The following RBFOX1 variants were observed in gnomAD, a reference collection of about 807,000 sequenced individuals.
RBFOX1 encodes the protein RNA binding fox-1 homolog 1, also known as RNA binding protein fox-1 homolog 1.
RBFOX1 carries 8 observed loss-of-function variants against 57.7 expected under a neutral mutation model. That is an observed-to-expected ratio of 0.14 (90% CI 0.08 to 0.25). RBFOX1 has a LOEUF of 0.25. Among genes scored for constraint, RBFOX1 ranks in the 10% least tolerant of loss-of-function variants. The pLI is 1.00. For missense variants in RBFOX1, 611 were observed against 548.5 expected (o/e 1.11, Z -1.14); for synonymous variants, 326 against 222.4 (o/e 1.47, Z -4.15).
At position 6,019,507 on chromosome 16, in the gene RBFOX1, C is replaced by T. The variant is rs1330092585; in HGVS notation, c.-612C>T. The T allele has an allele frequency of 9.7e-7, 1 of 1,034,164 alleles. No homozygotes were observed. Among genetic ancestry groups the T allele is most frequent in the South Asian group, 4.6e-5 (1 of 21,844 alleles). The allele number at this position is 1,034,164 out of a possible 1,614,324, so 64.1% of individuals were successfully genotyped here. On this transcript the variant is annotated 5_prime_UTR_variant, in exon 1 of 16. Coordinates refer to ENST00000550418, the MANE Select transcript of RBFOX1 (RefSeq NM_018723.4). The surrounding 1 kb of genome is among the most constrained non-coding windows in gnomAD (Gnocchi z 4.2). ...TCCGCCCCAGCCCCCCAGCAGCACC[C>T]GCGGTGGGGCGGGGGCGCTCTGCCA... is the stretch of plus-strand genomic sequence containing the variant.
chr16:5,493,856 C>G (rs147328753), intron 2 of RBFOX1, among the ~76,000 whole-genome samples: 2 of 152,310 alleles, frequency 1.3e-5, no homozygotes, highest in Admixed American at 6.5e-5. Flanking sequence ...GAAGGTGTTT[C>G]TGCAACGGTA....
chr16:7,004,039 C>T (rs1285363077), intron 3 of RBFOX1: 1 of 150,342 alleles, frequency 6.7e-6, no homozygotes, highest in African/African-American at 2.5e-5. Context: ...ATTTGCGTGC[C>T]ATCTTTGCAC....
At chr16:7,199,847 A>C (rs929813208) in intron 4 of RBFOX1, among the ~76,000 whole-genome samples, 1 of 152,136 alleles carries the variant, frequency 6.6e-6, no homozygotes, top group East Asian at 1.9e-4. Flanking sequence ...GTGAGCTCAG[A>C]TCTCATAACT....
intron 2 of RBFOX1, among the ~76,000 whole-genome samples, chr16:6,577,565 C>T (rs2097459258): frequency 6.6e-6 from 1 of 152,216 alleles, no homozygotes; most frequent in Non-Finnish European, 1.5e-5. Flanking sequence ...TGAAGATTCA[C>T]TGAGGTTCTG....
chr16:5,502,806 C>A (rs1234165350), intron 2 of RBFOX1, among the ~76,000 whole-genome samples: 1 of 152,158 alleles, frequency 6.6e-6, no homozygotes, highest in East Asian at 1.9e-4. Context: ...CCCGTCAGTT[C>A]CAGACTCTTC....
At chr16:6,133,671 T>C (rs2152682963) in intron 1 of RBFOX1, among the ~76,000 whole-genome samples, 1 of 152,306 alleles carries the variant, frequency 6.6e-6, no homozygotes, top group South Asian at 2.1e-4. Context: ...CCCAAGTCTT[T>C]AATGTGCCAC....
chr16:6,816,871 A>G (rs907047213), intron 3 of RBFOX1, among the ~76,000 whole-genome samples: 15 of 152,086 alleles, frequency 9.9e-5, no homozygotes, highest in African/African-American at 3.1e-4. Context: ...CACCCTCCCA[A>G]GTAGTTGGGA....
At position 5,814,409 on chromosome 16, in the gene RBFOX1, G is replaced by A. The variant is rs1021703810; in HGVS notation, c.319-52894G>A. Among the ~76,000 whole-genome samples, 10 of 152,170 alleles carry A rather than the reference G, an allele frequency of 6.6e-5. No homozygotes were observed. The East Asian group carries it at 9.7e-4, about 15-fold the overall frequency. Reference sequence around the variant, plus strand: ...GCTTCACCAACTTTTTCCCTCTTCCGAAGAATTATACCCCCAGCAGCGACA... The same window carrying A: ...GCTTCACCAACTTTTTCCCTCTTCCAAAGAATTATACCCCCAGCAGCGACA... On this transcript the variant is annotated intron_variant, in intron 3 of 19. Transcript: ENST00000641259.
chr16:7,698,971 A>G lies in RBFOX1; in HGVS notation c.996-10085A>G, dbSNP rs150572926. ...CTGTATCCATGCATGCAGAATTTTA[A>G]AAAATGGAATGGTGGTTATCAAATT... On this transcript the variant is annotated intron_variant, in intron 14 of 15. Transcript: ENST00000550418. 2.0e-5 allele frequency among the ~76,000 whole-genome samples: 3 copies of G among 152,296 alleles called. No individual in the cohort carries two copies. The East Asian group carries it at 5.8e-4, about 29-fold the overall frequency.
intron 1 of RBFOX1, among the ~76,000 whole-genome samples, chr16:5,454,922 TCTTTCTTCCTTCCTTCCTTC>T (rs1291470786): frequency 1.4e-4 from 8 of 56,888 alleles, no homozygotes; most frequent in African/African-American, 3.8e-4. Flanking sequence ...TTCCTTTGTT[TCTTTCTTCCTTCCTTCCTTC>T]CTTCCTTCCT....
intron 2 of RBFOX1, among the ~76,000 whole-genome samples, chr16:6,479,697 AC>A (rs2095340650): frequency 6.6e-6 from 1 of 152,200 alleles, no homozygotes; most frequent in African/African-American, 2.4e-5. Flanking sequence ...ATCACCTCCC[AC>A]CTGGTTTCTC....
intron 3 of RBFOX1, among the ~76,000 whole-genome samples, chr16:6,886,132 G>C (rs1189394093): frequency 3.3e-5 from 5 of 150,922 alleles, no homozygotes; most frequent in African/African-American, 7.3e-5. Flanking sequence ...CGTGATCTCG[G>C]CTCACTGCAT....
chr16:5,643,447 A>T (rs1220307521), intron 3 of RBFOX1, among the ~76,000 whole-genome samples: 2 of 152,178 alleles, frequency 1.3e-5, no homozygotes, highest in Admixed American at 6.5e-5. Flanking sequence ...AGGTTTCCTG[A>T]TACATAAAGT....
At chr16:6,249,745 T>C (rs865792257) in intron 1 of RBFOX1, among the ~76,000 whole-genome samples, 1 of 150,524 alleles carries the variant, frequency 6.6e-6, no homozygotes, top group Non-Finnish European at 1.5e-5. Flanking sequence ...GGTTGAAGAG[T>C]GTCCTGATCA....
Position 7,142,912 on chromosome 16 carries a change from A to AC in RBFOX1, c.27+90814_27+90815insC, listed in dbSNP as rs2074144181. Among the ~76,000 whole-genome samples the AC allele has an allele frequency of 2.0e-5, 3 of 147,316 alleles. No individual in the cohort carries two copies. The South Asian group carries it at 6.4e-4, about 32-fold the overall frequency. ...TCATCTGCAGACACATCTGCAGAGT[A>AC]TTTTTTTTTTTTCTGTGAGAATCCA... On this transcript the variant is annotated intron_variant, in intron 4 of 15. Transcript: ENST00000550418.
At chr16:5,388,848 A>T (rs1596795004) in intron 1 of RBFOX1, among the ~76,000 whole-genome samples, 1 of 149,514 alleles carries the variant, frequency 6.7e-6, no homozygotes, top group South Asian at 2.3e-4. Flanking sequence ...AAGTGCTGGG[A>T]TTACAGGCGT....
intron 3 of RBFOX1, among the ~76,000 whole-genome samples, chr16:6,871,214 G>A (rs889212790): frequency 4.6e-5 from 7 of 152,092 alleles, no homozygotes; most frequent in Non-Finnish European, 1.0e-4. Context: ...GAGATGGAGT[G>A]TTGCTCTGTC....
At chr16:7,513,677 C>G (rs907808621) in intron 4 of RBFOX1, among the ~76,000 whole-genome samples, 15 of 152,120 alleles carry the variant, frequency 9.9e-5, no homozygotes, top group Admixed American at 2.6e-4. Context: ...GCAATCACAC[C>G]TCTGTAAGAA....
intron 3 of RBFOX1, among the ~76,000 whole-genome samples, chr16:6,749,682 A>T (rs2074525485): frequency 6.6e-6 from 1 of 152,136 alleles, no homozygotes; most frequent in African/African-American, 2.4e-5. Context: ...AATCTTAGTG[A>T]CCTCAGTAAA....
Sources: gnomAD v4.1 joint callset for allele counts (sites outside exome capture counted in the v4.1 genomes callset) on GRCh38, gnomAD v4.1.1 for gene constraint, Gnocchi (gnomAD v3.1) non-coding constraint, MANE v1.5 for transcripts, NCBI Gene and HGNC (gene_info 2026-07-23, HGNC 2026-07-21) for gene names.